Variants in SPEN observed in about 807,000 individuals in gnomAD.
SPEN encodes msx2-interacting protein.
A neutral mutation model predicts 269.9 loss-of-function variants in SPEN; 18 were observed. The ratio of observed to expected loss-of-function variants is 0.07; its 90% CI spans 0.05 to 0.10. The LOEUF (loss-of-function observed/expected upper bound fraction) is 0.10. Ranked by LOEUF, SPEN falls within the 10% of genes least tolerant of loss-of-function variation. The pLI, the probability that SPEN is intolerant of heterozygous loss-of-function variation, is 1.00. For synonymous variants in SPEN, 1,726 were observed against 1,765.7 expected (o/e 0.98, Z 0.56); for missense variants, 3,822 against 4,631.2 (o/e 0.83, Z 5.07).
chr1:15,933,083 T>A lies in SPEN; in HGVS notation c.6843T>A (p.Ser2281=), dbSNP rs1214814463. The A allele has an allele frequency of 6.2e-7, 1 of 1,614,094 alleles. No individual in the cohort carries two copies. The highest frequency in any genetic ancestry group is 8.5e-7 in the Non-Finnish European group (1 of 1,179,962). ...TGGAAACTGAGGCTGCTACAGAATC[T>A]TCTAGGCCTCCAGTCAATGCTCCTG... ...GILETEAATE[S]SRPPVNAPDP... Residue 2281 remains serine, a synonymous_variant, in exon 11 of 15, where the codon TCT becomes TCA. Coordinates refer to ENST00000375759, the MANE Select transcript of SPEN (RefSeq NM_015001.3). The surrounding 1 kb of genome is among the most constrained non-coding windows in gnomAD (Gnocchi z 5.7).
At chr1:15,887,493 G>A (rs1226391807) in intron 3 of SPEN, among the ~76,000 whole-genome samples, 3 of 149,374 alleles carry the variant, frequency 2.0e-5, no homozygotes, top group East Asian at 2.1e-4. Flanking sequence ...ATGTTAGCCA[G>A]GATGGTCTCG....
At chr1:15,901,649 CAA>C (rs113563212) in intron 3 of SPEN, among the ~76,000 whole-genome samples, 5 of 52,798 alleles carry the variant, frequency 9.5e-5, no homozygotes, top group Non-Finnish European at 1.3e-4. Context: ...GACTCCATCT[CAA>C]AAAAAAAAAA....
rs763414538 is a variant in SPEN at position 15,935,383 on chromosome 1, C to T, written c.9143C>T (p.Thr3048Met). The T allele has an allele frequency of 2.0e-5, 32 of 1,614,008 alleles. No individual in the cohort carries two copies. The highest frequency in any genetic ancestry group is 8.9e-5 in the East Asian group (4 of 44,878). ...RASHPSSTASTALSTNATVML... is the reference protein window; with the variant it reads ...RASHPSSTASMALSTNATVML... ...AGCCACCCCAGCAGTACTGCATCTA[C>T]GGCGCTCTCCACCAACGCCACAGTC... is the stretch of plus-strand genomic sequence containing the variant. The change falls in exon 11 of 15, where the codon ACG (threonine) becomes ATG (methionine). Residue 3048 changes from threonine (T) to methionine (M), a missense_variant. Around this residue, in one of 16 missense-constraint regions of SPEN, gnomAD observed 153 missense variants for 228.5 expected, o/e 0.67. Coordinates refer to ENST00000375759, the MANE Select transcript of SPEN (RefSeq NM_015001.3). This position sits in a 1 kb window ranked among gnomAD's most constrained non-coding sequence, Gnocchi z 7.7.
At chr1:15,907,148 G>A (rs2070964829) in intron 3 of SPEN, among the ~76,000 whole-genome samples, 1 of 152,036 alleles carries the variant, frequency 6.6e-6, no homozygotes, top group Non-Finnish European at 1.5e-5. Context: ...AACATCTTTA[G>A]TTTTCTATAA....
intron 3 of SPEN, among the ~76,000 whole-genome samples, chr1:15,908,775 A>G (rs1470434324): frequency 6.6e-6 from 1 of 152,114 alleles, no homozygotes; most frequent in African/African-American, 2.4e-5. Flanking sequence ...CATTTTACAC[A>G]CTTGATATTG....
In SPEN at chr1:15,929,121, A is replaced by G; in HGVS notation, c.2881A>G (p.Arg961Gly). The change falls in exon 11 of 15, where the codon AGG becomes GGG. Residue 961 changes from arginine (R) to glycine (G), a missense_variant. This residue lies in a region of SPEN where 572 missense variants were observed against 582.6 expected (regional missense o/e 0.98). Coordinates refer to ENST00000375759, the MANE Select transcript of SPEN (RefSeq NM_015001.3). This position sits in a 1 kb window ranked among gnomAD's most constrained non-coding sequence, Gnocchi z 5.8. ...GGAGAAGGAAGGCAGGCTTAAAGCC[A>G]GGAAGCACCTCAAGCCTGAGCAGCC... Reference protein sequence around the residue: ...VVEKEGRLKARKHLKPEQPAD... With the variant: ...VVEKEGRLKAGKHLKPEQPAD... 1 of 1,614,232 alleles carries G rather than the reference A, an allele frequency of 6.2e-7. No individual in the cohort carries two copies. The highest frequency in any genetic ancestry group is 8.5e-7 in the Non-Finnish European group (1 of 1,180,020).
chr1:15,869,884 T>G (rs539658552), intron 1 of SPEN, among the ~76,000 whole-genome samples: 21 of 152,010 alleles, frequency 1.4e-4, no homozygotes, highest in Admixed American at 4.6e-4. Flanking sequence ...TTTTTTTTTT[T>G]GGGACAGAGT....
chr1:15,898,558 C>CTTTTTTTTTTT (rs375319827), intron 3 of SPEN, among the ~76,000 whole-genome samples: 9 of 131,958 alleles, frequency 6.8e-5, no homozygotes, highest in Non-Finnish European at 9.6e-5. Context: ...TTCTTTTTTT[C>CTTTTTTTTTTT]TTTTTTTTTT....
chr1:15,938,049 G>T, intron 13 of SPEN, 43 bp downstream of exon 13: 1 of 1,532,910 alleles, frequency 6.5e-7, no homozygotes. Flanking sequence ...CCACCTACAG[G>T]GAGGAAGACG....
chr1:15,866,936 A>G (rs1160749843), intron 1 of SPEN, among the ~76,000 whole-genome samples: 1 of 152,212 alleles, frequency 6.6e-6, no homozygotes, highest in Admixed American at 6.6e-5. Flanking sequence ...TTTTGTGTTG[A>G]AGGACAGGGA....
Position 15,878,475 on chromosome 1 carries a change from C to G in SPEN, c.881+1797C>G, listed in dbSNP as rs1194091367. Among the ~76,000 whole-genome samples the G allele has an allele frequency of 3.3e-5, 5 of 152,264 alleles. No homozygotes were observed. In the East Asian group the frequency reaches 9.6e-4, roughly 29 times the overall value. Reference sequence around the variant, plus strand: ...AGTCATGAAAGTTACGTTCTATGCCCAGCTTTCAAGCCGTGTGACATGGAT... The same window carrying G: ...AGTCATGAAAGTTACGTTCTATGCCGAGCTTTCAAGCCGTGTGACATGGAT... On this transcript the variant is annotated intron_variant, in intron 3 of 14. Transcript: ENST00000375759.
chr1:15,929,291 AAAG>A lies in SPEN; in HGVS notation c.3052_3054del (p.Lys1018del). ...TGGAGGATGCTCGCGTGCTTTCAAA[AAAG>A]CAGCCTGACGTGTCCTCTAGAGAGG... On this transcript the variant is annotated inframe_deletion, in exon 11 of 15. Coordinates refer to ENST00000375759, the MANE Select transcript of SPEN (RefSeq NM_015001.3). The surrounding 1 kb of genome is among the most constrained non-coding windows in gnomAD (Gnocchi z 5.8). 1 of 1,614,232 alleles carries A rather than the reference AAAG, an allele frequency of 6.2e-7. No homozygotes were observed. Among genetic ancestry groups the A allele is most frequent in the Non-Finnish European group, 8.5e-7 (1 of 1,180,036 alleles).
rs564299994 is a variant in SPEN at position 15,848,574 on chromosome 1, T to C, written c.83+424T>C. 6.6e-6 allele frequency among the ~76,000 whole-genome samples: 1 copy of C among 152,018 alleles called. No homozygotes were observed. The highest frequency in any genetic ancestry group is 1.9e-4 in the East Asian group (1 of 5,164). On this transcript the variant is annotated intron_variant, in intron 1 of 14. Transcript: ENST00000375759. The surrounding 1 kb of genome is among the most constrained non-coding windows in gnomAD (Gnocchi z 5.1). ...CGACAGCCGGGTCCGGCGCCGCCAC[T>C]CCAAGCTGCTCTGCGGGCGCTCGGC...
At chr1:15,859,276 C>G (rs919581770) in intron 1 of SPEN, among the ~76,000 whole-genome samples, 1 of 151,306 alleles carries the variant, frequency 6.6e-6, no homozygotes, top group Non-Finnish European at 1.5e-5. Flanking sequence ...CCGCCTCAAC[C>G]TGCCAAGTAT....
intron 2 of SPEN, 199 bp downstream of exon 2, chr1:15,873,335 G>T: frequency 2.0e-6 from 2 of 985,332 alleles, no homozygotes; most frequent in Non-Finnish European, 2.4e-6. Context: ...GCAGCTGATT[G>T]GATATCTGTT....
Position 15,938,748 on chromosome 1 carries a change from C to G in SPEN, c.10735C>G (p.Leu3579Val). The G allele has an allele frequency of 6.2e-7, 1 of 1,613,944 alleles. No homozygotes were observed. Among genetic ancestry groups the G allele is most frequent in the Non-Finnish European group, 8.5e-7 (1 of 1,180,006 alleles). Residue 3579 changes from leucine to valine, a missense_variant, in exon 14 of 15, where the codon CTG becomes GTG. Coordinates refer to ENST00000375759, the MANE Select transcript of SPEN (RefSeq NM_015001.3). Reference protein sequence around the residue: ...VETDYCLLLALPCGRDQEDVV... With the variant: ...VETDYCLLLAVPCGRDQEDVV... ...GACAGATTACTGTCTGCTGCTGGCT[C>G]TGCCCTGTGGCCGTGACCAAGAGGA...
chr1:15,877,569 A>G (rs1240812248), intron 3 of SPEN, among the ~76,000 whole-genome samples: 1 of 152,030 alleles, frequency 6.6e-6, no homozygotes, highest in Non-Finnish European at 1.5e-5. Flanking sequence ...CCCAGCCAAA[A>G]AGTTTTATTT....
intron 1 of SPEN, among the ~76,000 whole-genome samples, chr1:15,872,080 CA>C (rs1027279863): frequency 9.9e-5 from 15 of 151,430 alleles, no homozygotes; most frequent in Admixed American, 6.6e-4. Flanking sequence ...ACTAAAAATA[CA>C]AAAAACATTA....
rs751247657 is a variant in SPEN, at chr1:15,930,950, C to G, written c.4710C>G (p.Asn1570Lys). Reference sequence around the variant, plus strand: ...GGAAGCAGACATCTGAGGGAGCAAACAGCACAACTGATTCCATTCAAGAAC... The same window carrying G: ...GGAAGCAGACATCTGAGGGAGCAAAGAGCACAACTGATTCCATTCAAGAAC... The part of the protein sequence containing the change: ...IYGKQTSEGA[N>K]STTDSIQEPV... Residue 1570 changes from asparagine to lysine, a missense_variant, in exon 11 of 15, where the codon AAC becomes AAG. This residue lies in a region of SPEN where 533 missense variants were observed against 618.8 expected (regional missense o/e 0.86). Transcript: ENST00000375759. This position sits in a 1 kb window ranked among gnomAD's most constrained non-coding sequence, Gnocchi z 5.3. 1 of 1,614,124 alleles carries G rather than the reference C, an allele frequency of 6.2e-7. No homozygotes were observed. The highest frequency in any genetic ancestry group is 1.7e-5 in the Admixed American group (1 of 60,016).
Sources: gnomAD v4.1 joint callset for allele counts (sites outside exome capture counted in the v4.1 genomes callset) on GRCh38, gnomAD v4.1.1 for gene constraint, gnomAD v4.1.1 regional missense constraint, Gnocchi (gnomAD v3.1) non-coding constraint, MANE v1.5 for transcripts, NCBI Gene and HGNC (gene_info 2026-07-23, HGNC 2026-07-21) for gene names.